Variants in TBC1D1 observed in about 807,000 individuals in gnomAD.
TBC1D1 encodes TBC1 domain family member 1.
Under a neutral mutation model 125.6 loss-of-function variants are expected in TBC1D1, and 89 were observed. The observed-to-expected ratio is 0.71, with a 90% confidence interval of 0.60 to 0.85. TBC1D1 has a LOEUF of 0.85. TBC1D1 is among the 40% of genes least tolerant of loss of function. The pLI is 0.00. For synonymous variants in TBC1D1, 565 were observed against 564.1 expected (o/e 1.00, Z -0.02); for missense variants, 1,377 against 1,469.2 (o/e 0.94, Z 1.03).
chr4:38,105,352 A>G (rs1761121029), intron 15 of TBC1D1, among the ~76,000 whole-genome samples: 2 of 152,206 alleles, frequency 1.3e-5, no homozygotes, highest in East Asian at 1.9e-4. Flanking sequence ...GAGTTGAGAA[A>G]ATAGAAACAG....
chr4:38,118,310 A>G, intron 17 of TBC1D1, 118 bp downstream of exon 19: 1 of 1,228,980 alleles, frequency 8.1e-7, no homozygotes. Flanking sequence ...AGAACAGGGT[A>G]TTGTTTGATA....
chr4:38,122,773 G>C (rs1344253955), intron 17 of TBC1D1, among the ~76,000 whole-genome samples: 2 of 152,196 alleles, frequency 1.3e-5, no homozygotes, highest in Non-Finnish European at 2.9e-5. Flanking sequence ...TTAAGGTGTT[G>C]TGAATAGCAT....
intron 2 of TBC1D1, among the ~76,000 whole-genome samples, chr4:37,912,192 C>T (rs933548958): frequency 6.6e-6 from 1 of 152,142 alleles, no homozygotes; most frequent in Non-Finnish European, 1.5e-5. Context: ...GGAAGTTGTT[C>T]CCTGTAATAT....
intron 2 of TBC1D1, among the ~76,000 whole-genome samples, chr4:37,999,007 G>A (rs1738439951): frequency 6.6e-6 from 1 of 152,206 alleles, no homozygotes; most frequent in African/African-American, 2.4e-5. Flanking sequence ...AGCACTTTGG[G>A]AAGCCAAAGC....
At chr4:37,998,457 T>G (rs1738298452) in intron 2 of TBC1D1, among the ~76,000 whole-genome samples, 1 of 152,218 alleles carries the variant, frequency 6.6e-6, no homozygotes, top group South Asian at 2.1e-4. Context: ...CTCAGCTGTT[T>G]GCTGGCAGCT....
At chr4:38,112,068 T>G in intron 15 of TBC1D1, 1 of 985,442 alleles carries the variant, frequency 1.0e-6, no homozygotes, top group South Asian at 4.7e-5. Flanking sequence ...TGACAGTTTC[T>G]GAAACTGCAT....
At chr4:38,074,712 G>A (rs1227886775) in intron 12 of TBC1D1, among the ~76,000 whole-genome samples, 1 of 151,970 alleles carries the variant, frequency 6.6e-6, no homozygotes, top group African/African-American at 2.4e-5. Context: ...TGTGTGTGCT[G>A]GGATTTGCCA....
At chr4:38,060,767 G>A (rs1371800322) in intron 12 of TBC1D1, 5 of 599,248 alleles carry the variant, frequency 8.3e-6, no homozygotes, top group Non-Finnish European at 1.3e-5. Flanking sequence ...CAAACTTGAT[G>A]TGCTTGGAGT....
At chr4:38,135,663 G>C (rs1402061180) in intron 19 of TBC1D1, among the ~76,000 whole-genome samples, 1 of 152,168 alleles carries the variant, frequency 6.6e-6, no homozygotes, top group African/African-American at 2.4e-5. Flanking sequence ...GTACAGCTTA[G>C]AGAGATACCC....
intron 7 of TBC1D1, among the ~76,000 whole-genome samples, chr4:38,029,689 TA>T (rs1745771861): frequency 6.6e-6 from 1 of 152,206 alleles, no homozygotes; most frequent in African/African-American, 2.4e-5. Flanking sequence ...TTAATCACGT[TA>T]GAGGTCTTGT....
chr4:38,062,737 A>C (rs1050615851), intron 12 of TBC1D1, among the ~76,000 whole-genome samples: 3 of 152,064 alleles, frequency 2.0e-5, no homozygotes, highest in African/African-American at 7.2e-5. Context: ...CCTGTTAACA[A>C]TTGTGAGTTA....
At chr4:38,084,973 C>T (rs1757222704) in intron 12 of TBC1D1, among the ~76,000 whole-genome samples, 1 of 152,164 alleles carries the variant, frequency 6.6e-6, no homozygotes, top group Non-Finnish European at 1.5e-5. Context: ...AAGAAAGAAG[C>T]CCTGTATTCT....
intron 2 of TBC1D1, among the ~76,000 whole-genome samples, chr4:37,978,181 C>T (rs1023762950): frequency 1.1e-4 from 16 of 152,180 alleles, no homozygotes; most frequent in South Asian, 4.1e-4. Context: ...AACAGGAAGG[C>T]ATAAGTGTAG....
At chr4:38,081,613 T>C (rs1756574077) in intron 12 of TBC1D1, among the ~76,000 whole-genome samples, 2 of 151,796 alleles carry the variant, frequency 1.3e-5, no homozygotes, top group Non-Finnish European at 2.9e-5. Context: ...CCAAATAGAT[T>C]ATCTTTTTTA....
At chr4:38,110,771 A>G (rs1423305914) in intron 15 of TBC1D1, 1 of 985,370 alleles carries the variant, frequency 1.0e-6, no homozygotes, top group African/African-American at 1.7e-5. Flanking sequence ...GGCAGGCCTC[A>G]TATCCTGATA....
intron 18 of TBC1D1, among the ~76,000 whole-genome samples, chr4:38,130,942 C>T (rs1036320766): frequency 2.0e-5 from 3 of 152,210 alleles, no homozygotes; most frequent in African/African-American, 7.2e-5. Context: ...GGCGCCCCTC[C>T]CAATTCTTTT....
chr4:37,981,263 C>G (rs1045056628), intron 2 of TBC1D1, among the ~76,000 whole-genome samples: 4 of 152,158 alleles, frequency 2.6e-5, no homozygotes, highest in African/African-American at 9.7e-5. Flanking sequence ...TTTTGTAAAG[C>G]AAGTAACTGA....
At chr4:37,958,731 A>G (rs1031486465) in intron 2 of TBC1D1, among the ~76,000 whole-genome samples, 1 of 152,236 alleles carries the variant, frequency 6.6e-6, no homozygotes, top group Non-Finnish European at 1.5e-5. Flanking sequence ...AATGTGTCGG[A>G]AGAGTTGAAA....
intron 3 of TBC1D1, among the ~76,000 whole-genome samples, chr4:38,018,113 A>G (rs921880051): frequency 5.3e-5 from 8 of 151,784 alleles, no homozygotes; most frequent in East Asian, 1.9e-4. Context: ...CTTGAGGCCT[A>G]TTGCTAACTT....
Sources: allele counts gnomAD v4.1 joint callset (sites outside exome capture counted in the v4.1 genomes callset), GRCh38; gene constraint gnomAD v4.1.1; transcripts MANE v1.5; gene names NCBI Gene and HGNC (gene_info 2026-07-23, HGNC 2026-07-21).